PKIB: variants seen among roughly 807,000 people sequenced by gnomAD.
PKIB encodes the protein cAMP-dependent protein kinase inhibitor beta.
In PKIB, 2 loss-of-function variants were observed where a neutral mutation model predicts 4.5. That is an observed-to-expected ratio of 0.44 (90% CI 0.18 to 1.39). PKIB has a LOEUF of 1.39. Among genes scored for constraint, PKIB ranks in the 40% most tolerant of loss-of-function variants. PKIB has a pLI of 0.27. For synonymous variants in PKIB, 38 were observed against 36.0 expected, an observed-to-expected ratio of 1.06 and a Z score of -0.20; for missense variants, 94 against 92.6, an observed-to-expected ratio of 1.02 and a Z score of -0.06.
intron 2 of PKIB, among the ~76,000 whole-genome samples, chr6:122,669,798 C>T (rs533138003): frequency 4.6e-5 from 7 of 152,132 alleles, no homozygotes; most frequent in Non-Finnish European, 8.8e-5. Context: ...TCATCATTCT[C>T]CCTCATTCGG....
chr6:122,520,667 C>CCG lies in PKIB; in HGVS notation c.-248+42729_-248+42730insGC, dbSNP rs1554217187. Among the ~76,000 whole-genome samples the CCG allele has an allele frequency of 1.9e-5, 2 of 106,270 alleles. 1 individual carries two copies. The highest frequency in any genetic ancestry group is 3.6e-5 in the Non-Finnish European group (2 of 55,712). 69.7% of individuals were successfully genotyped at this position (106,270 alleles called of 152,430 possible). On this transcript the variant is annotated intron_variant, in intron 2 of 6. Transcript: ENST00000392491. ...GTGGGCTGAAAGTTTATGTTCCCAC[C>CCG]CCCCCCCCACCAAATTTATATTAGT...
At chr6:122,708,899 C>T (rs1779163364) in intron 3 of PKIB, among the ~76,000 whole-genome samples, 1 of 152,190 alleles carries the variant, frequency 6.6e-6, no homozygotes, top group Non-Finnish European at 1.5e-5. Flanking sequence ...TCCCAAAACC[C>T]TGAGATTACA....
intron 1 of PKIB, among the ~76,000 whole-genome samples, chr6:122,630,128 T>A (rs1392256785): frequency 2.0e-5 from 3 of 152,152 alleles, no homozygotes; most frequent in Non-Finnish European, 4.4e-5. Context: ...TAAAAAAATA[T>A]GTTAAAAAGA....
At position 122,725,248 on chromosome 6, in the gene PKIB, G is replaced by T; in HGVS notation, c.*53G>T. 1.4e-6 allele frequency: 2 copies of T among 1,451,730 alleles called. No individual in the cohort carries two copies. Among genetic ancestry groups the T allele is most frequent in the South Asian group, 2.4e-5 (2 of 82,256 alleles). 89.9% of individuals were successfully genotyped at this position (1,451,730 alleles called of 1,614,324 possible). A position where few individuals can be genotyped will look rare whatever the true frequency, so the allele number is the denominator to read the frequency against. ...ATTTCTGCATGTTGAAAGACTTAGT[G>T]GTTCTGTTTTCTTGAGACATTTAAT... On this transcript the variant is annotated 3_prime_UTR_variant, in exon 5 of 5. Coordinates refer to ENST00000368452, the MANE Select transcript of PKIB (RefSeq NM_181795.3).
chr6:122,687,727 G>A (rs1015900257), intron 3 of PKIB, among the ~76,000 whole-genome samples: 1 of 152,190 alleles, frequency 6.6e-6, no homozygotes, highest in South Asian at 2.1e-4. Context: ...TATGGTAAAT[G>A]AAATTACTTT....
intron 3 of PKIB, among the ~76,000 whole-genome samples, chr6:122,592,379 G>A (rs983214159): frequency 2.0e-5 from 3 of 152,146 alleles, no homozygotes; most frequent in South Asian, 4.1e-4. Context: ...CTTTCCATCA[G>A]AAAAATGAAA....
intron 2 of PKIB, among the ~76,000 whole-genome samples, chr6:122,524,526 A>G (rs1777041705): frequency 6.6e-6 from 1 of 151,960 alleles, no homozygotes; most frequent in South Asian, 2.1e-4. Flanking sequence ...CTCCTCTTCA[A>G]TTTTTTGGAA....
Position 122,722,392 on chromosome 6 carries a change from T to A in PKIB, c.170-2736T>A, listed in dbSNP as rs74336575. ...TAGATTGACAATAAATGATATCCTG[T>A]TAGTTTTCATCTAATTATTATCTTG... On this transcript the variant is annotated intron_variant, in intron 4 of 4. Transcript: ENST00000368452. 1.7e-3 allele frequency among the ~76,000 whole-genome samples: 264 copies of A among 152,306 alleles called. 1 individual carries two copies. The highest frequency in any genetic ancestry group is 6.2e-3 in the African/African-American group (258 of 41,566).
intron 3 of PKIB, among the ~76,000 whole-genome samples, chr6:122,702,099 G>T (rs994538383): frequency 6.6e-6 from 1 of 152,118 alleles, no homozygotes; most frequent in South Asian, 2.1e-4. Context: ...CTTTGCCTTG[G>T]ATGGAAACGG....
At chr6:122,666,570 T>C (rs910965461) in intron 2 of PKIB, among the ~76,000 whole-genome samples, 1 of 152,198 alleles carries the variant, frequency 6.6e-6, no homozygotes, top group African/African-American at 2.4e-5. Context: ...CTCTTAGTAG[T>C]CTTGAGCTGC....
chr6:122,572,998 A>G (rs1266504592), intron 2 of PKIB, among the ~76,000 whole-genome samples: 1 of 152,192 alleles, frequency 6.6e-6, no homozygotes, highest in Non-Finnish European at 1.5e-5. Context: ...GCCAACACAG[A>G]AAATTTCAGG....
chr6:122,653,915 G>A (rs1223519430), intron 2 of PKIB, among the ~76,000 whole-genome samples: 5 of 152,098 alleles, frequency 3.3e-5, no homozygotes, highest in Non-Finnish European at 5.9e-5. Context: ...CGGAGATCGC[G>A]CCATTACACT....
chr6:122,502,327 TGTA>T (rs1776267052), intron 2 of PKIB, among the ~76,000 whole-genome samples: 1 of 152,124 alleles, frequency 6.6e-6, no homozygotes, highest in South Asian at 2.1e-4. Flanking sequence ...ACCAATTTTC[TGTA>T]GTAGTCTATT....
chr6:122,717,324 T>C (rs558676934), intron 3 of PKIB, among the ~76,000 whole-genome samples: 3 of 152,314 alleles, frequency 2.0e-5, no homozygotes, highest in African/African-American at 7.2e-5. Flanking sequence ...ATTTCTTATT[T>C]CTAAGAAGTA....
At chr6:122,621,312 A>G (rs148422568) in intron 1 of PKIB, among the ~76,000 whole-genome samples, 12 of 152,308 alleles carry the variant, frequency 7.9e-5, no homozygotes, top group African/African-American at 2.9e-4. Context: ...ATCTTAATAA[A>G]TTATAGTATA....
At chr6:122,514,306 T>C (rs150861997) in intron 2 of PKIB, among the ~76,000 whole-genome samples, 3 of 152,276 alleles carry the variant, frequency 2.0e-5, no homozygotes, top group African/African-American at 7.2e-5. Flanking sequence ...AAAAAACCCA[T>C]GCCACAAATT....
At chr6:122,650,111 T>C (rs1009126869) in intron 2 of PKIB, among the ~76,000 whole-genome samples, 35 of 152,170 alleles carry the variant, frequency 2.3e-4, no homozygotes, top group African/African-American at 7.0e-4. Context: ...CCACTTGGCA[T>C]TGTGCTTCAT....
At chr6:122,574,608 A>G (rs555358085) in intron 2 of PKIB, among the ~76,000 whole-genome samples, 1 of 152,312 alleles carries the variant, frequency 6.6e-6, no homozygotes, top group Admixed American at 6.5e-5. Flanking sequence ...GTAAAGCCAA[A>G]TACTTACAGC....
chr6:122,520,671 C>G (rs1296018349), intron 2 of PKIB, among the ~76,000 whole-genome samples: 1 of 129,706 alleles, frequency 7.7e-6, no homozygotes, highest in South Asian at 3.0e-4. Context: ...TCCCACCCCC[C>G]CCCCACCAAA....
Sources: allele counts gnomAD v4.1 joint callset (sites outside exome capture counted in the v4.1 genomes callset), GRCh38; gene constraint gnomAD v4.1.1; transcripts MANE v1.5; gene names NCBI Gene and HGNC (gene_info 2026-07-23, HGNC 2026-07-21).